Variants in YAP1 observed in about 807,000 individuals in gnomAD.
YAP1 encodes the protein Yes1 associated transcriptional regulator.
YAP1 carries 5 observed loss-of-function variants against 56.9 expected under a neutral mutation model. That is an observed-to-expected ratio of 0.09 (90% CI 0.05 to 0.18). The LOEUF is 0.18. Among genes scored for constraint, YAP1 ranks in the 10% least tolerant of loss-of-function variants. The probability of loss-of-function intolerance (pLI) is 1.00; values close to 1 mark genes in which losing one functional copy is unlikely to be tolerated. For missense variants in YAP1, 539 were observed against 651.8 expected (o/e 0.83, Z 1.88); for synonymous variants, 265 against 248.1 (o/e 1.07, Z -0.64).
chr11:102,189,660 C>T (rs1232031959), intron 4 of YAP1, among the ~76,000 whole-genome samples: 1 of 152,138 alleles, frequency 6.6e-6, no homozygotes. Flanking sequence ...GGTATTAAAC[C>T]TCATAGGTTG....
At chr11:102,202,592 T>TA (rs1189600317) in intron 4 of YAP1, among the ~76,000 whole-genome samples, 3 of 152,140 alleles carry the variant, frequency 2.0e-5, no homozygotes, top group African/African-American at 4.8e-5. Context: ...TTCTGTATCT[T>TA]ACCTGTACAA....
At chr11:102,123,046 A>T (rs1203838776) in intron 2 of YAP1, among the ~76,000 whole-genome samples, 4 of 152,120 alleles carry the variant, frequency 2.6e-5, no homozygotes. Context: ...ATATTTATAA[A>T]ATGTGTTACA....
chr11:102,174,241 T>C (rs558171232), intron 3 of YAP1, among the ~76,000 whole-genome samples: 1 of 152,298 alleles, frequency 6.6e-6, no homozygotes, highest in East Asian at 1.9e-4. Flanking sequence ...GGTTCCATCA[T>C]TTCATGAGCT....
intron 3 of YAP1, among the ~76,000 whole-genome samples, chr11:102,168,020 G>A (rs1266269219): frequency 6.6e-6 from 1 of 152,056 alleles, no homozygotes; most frequent in African/African-American, 2.4e-5. Flanking sequence ...TTCCAGCCTG[G>A]ACAACAGAGT....
Position 102,231,773 on chromosome 11 carries a change from A to G in YAP1, c.*1833A>G, listed in dbSNP as rs964404245. 1 of 152,666 alleles carries G rather than the reference A, an allele frequency of 6.6e-6. No individual in the cohort carries two copies. Among genetic ancestry groups the G allele is most frequent in the African/African-American group, 2.4e-5 (1 of 41,468 alleles). The allele number at this position is 152,666 out of a possible 1,614,324, so 9.5% of individuals were successfully genotyped here. A position where few individuals can be genotyped will look rare whatever the true frequency, so the allele number is the denominator to read the frequency against. ...TTATTTTCAAGGGTTCATAACAGGC[A>G]TAAAATCTCTTCTCCTGGCAAAAGC... On this transcript the variant is annotated 3_prime_UTR_variant, in exon 9 of 9. Coordinates refer to ENST00000282441, the MANE Select transcript of YAP1 (RefSeq NM_001130145.3).
At chr11:102,155,010 G>T (rs1201215912) in intron 2 of YAP1, among the ~76,000 whole-genome samples, 1 of 152,164 alleles carries the variant, frequency 6.6e-6, no homozygotes, top group Non-Finnish European at 1.5e-5. Context: ...AATAGGTGAA[G>T]TATTTGTTCC....
intron 3 of YAP1, among the ~76,000 whole-genome samples, chr11:102,182,753 G>A (rs1006206461): frequency 6.6e-6 from 1 of 152,092 alleles, no homozygotes; most frequent in African/African-American, 2.4e-5. Flanking sequence ...CCTTTGGTGC[G>A]CAGCTTTCTT....
chr11:102,118,106 C>A (rs1351236244), intron 2 of YAP1, among the ~76,000 whole-genome samples: 1 of 152,102 alleles, frequency 6.6e-6, no homozygotes, highest in Non-Finnish European at 1.5e-5. Context: ...ATATAATGTA[C>A]CATGTAGGAC....
intron 6 of YAP1, among the ~76,000 whole-genome samples, chr11:102,222,473 T>C (rs534136580): frequency 7.9e-5 from 12 of 152,260 alleles, no homozygotes; most frequent in Admixed American, 7.8e-4. Flanking sequence ...GTTTTTGAGG[T>C]CCTGGGCAAA....
intron 4 of YAP1, among the ~76,000 whole-genome samples, chr11:102,202,803 A>C (rs1948941426): frequency 6.6e-6 from 1 of 152,190 alleles, no homozygotes; most frequent in South Asian, 2.1e-4. Flanking sequence ...CCACATCTGC[A>C]CCACTGATTC....
chr11:102,231,771 G>A lies in YAP1; in HGVS notation c.*1831G>A, dbSNP rs1393883478. On this transcript the variant is annotated 3_prime_UTR_variant, in exon 9 of 9. Coordinates refer to ENST00000282441, the MANE Select transcript of YAP1 (RefSeq NM_001130145.3). The stretch of plus-strand genomic sequence containing the variant: ...CCTTATTTTCAAGGGTTCATAACAG[G>A]CATAAAATCTCTTCTCCTGGCAAAA... The A allele has an allele frequency of 6.6e-6, 1 of 152,546 alleles. No homozygotes were observed. The highest frequency in any genetic ancestry group is 1.5e-5 in the Non-Finnish European group (1 of 68,024). The allele number at this position is 152,546 out of a possible 1,614,324, so 9.4% of individuals were successfully genotyped here.
At chr11:102,119,624 T>C (rs2135150661) in intron 2 of YAP1, among the ~76,000 whole-genome samples, 1 of 147,316 alleles carries the variant, frequency 6.8e-6, no homozygotes, top group South Asian at 2.1e-4. Flanking sequence ...TAGATAGCAT[T>C]TAAATAGTTG....
At chr11:102,153,854 A>T (rs952304955) in intron 2 of YAP1, among the ~76,000 whole-genome samples, 16 of 119,232 alleles carry the variant, frequency 1.3e-4, no homozygotes, top group African/African-American at 5.1e-4. Flanking sequence ...AGGAACTCTT[A>T]AAAAAAAAAA....
chr11:102,209,829 G>A (rs927639151), intron 6 of YAP1, among the ~76,000 whole-genome samples: 2 of 151,974 alleles, frequency 1.3e-5, no homozygotes, highest in Non-Finnish European at 2.9e-5. Flanking sequence ...TAAATGTATT[G>A]TGTCTCAGTT....
intron 2 of YAP1, among the ~76,000 whole-genome samples, chr11:102,148,178 C>G (rs1945428387): frequency 6.6e-6 from 1 of 152,062 alleles, no homozygotes; most frequent in African/African-American, 2.4e-5. Flanking sequence ...ATAGAGCATG[C>G]TTAAAATTGG....
intron 5 of YAP1, among the ~76,000 whole-genome samples, chr11:102,208,456 C>T (rs182499597): frequency 3.9e-5 from 6 of 151,996 alleles, no homozygotes; most frequent in African/African-American, 1.5e-4. Flanking sequence ...CTTTTGGCCC[C>T]TATAAAGTGA....
intron 3 of YAP1, among the ~76,000 whole-genome samples, chr11:102,185,007 C>T (rs1947869555): frequency 6.6e-6 from 1 of 152,112 alleles, no homozygotes; most frequent in Non-Finnish European, 1.5e-5. Context: ...AATTAATGTA[C>T]ATAATATATA....
At chr11:102,222,865 CTT>C (rs1298036670) in intron 6 of YAP1, among the ~76,000 whole-genome samples, 3 of 134,570 alleles carry the variant, frequency 2.2e-5, no homozygotes, top group Non-Finnish European at 4.8e-5. Context: ...CTTCCTACTT[CTT>C]TTTTTTTGGC....
chr11:102,137,906 G>T (rs571810977), intron 2 of YAP1, among the ~76,000 whole-genome samples: 1 of 151,382 alleles, frequency 6.6e-6, no homozygotes, highest in Non-Finnish European at 1.5e-5. Context: ...TTAAATTTCC[G>T]AGATGGAGTC....
Sources: allele counts gnomAD v4.1 joint callset (sites outside exome capture counted in the v4.1 genomes callset), GRCh38; gene constraint gnomAD v4.1.1; transcripts MANE v1.5; gene names NCBI Gene and HGNC (gene_info 2026-07-23, HGNC 2026-07-21).